RALGPS1: variants seen among roughly 807,000 people sequenced by gnomAD.
The protein encoded by RALGPS1 is Ral GEF with PH domain and SH3 binding motif 1, also known as ras-specific guanine nucleotide-releasing factor RalGPS1.
In RALGPS1, 19 loss-of-function variants were observed where a neutral mutation model predicts 78.8. That is an observed-to-expected ratio of 0.24 (90% CI 0.17 to 0.35). The LOEUF is 0.35. RALGPS1 is among the 10% of genes least tolerant of loss of function. The pLI is 1.00. For missense variants in RALGPS1, 454 were observed against 688.3 expected, an observed-to-expected ratio of 0.66 and a Z score of 3.81; for synonymous variants, 228 against 256.3, an observed-to-expected ratio of 0.89 and a Z score of 1.06.
chr9:127,092,946 C>T (rs984477436), intron 8 of RALGPS1, among the ~76,000 whole-genome samples: 1 of 152,166 alleles, frequency 6.6e-6, no homozygotes, highest in Admixed American at 6.5e-5. Context: ...GAGGCCTCAG[C>T]TGCAGTCACT....
chr9:126,990,832 C>A (rs1275835670), intron 4 of RALGPS1, among the ~76,000 whole-genome samples: 1 of 152,250 alleles, frequency 6.6e-6, no homozygotes, highest in African/African-American at 2.4e-5. Context: ...TGCCACTACT[C>A]TTCATCCCTG....
chr9:127,110,099 T>C (rs1376909954), intron 8 of RALGPS1, among the ~76,000 whole-genome samples: 1 of 152,132 alleles, frequency 6.6e-6, no homozygotes, highest in Non-Finnish European at 1.5e-5. Context: ...CTGCTCCCCT[T>C]TTTAGCAAAG....
In RALGPS1 at chr9:127,115,667, G is replaced by A. The variant is rs572133954; in HGVS notation, c.610+46311G>A. Among the ~76,000 whole-genome samples the A allele has an allele frequency of 2.0e-5, 3 of 152,358 alleles. No homozygotes were observed. In the South Asian group the frequency reaches 6.2e-4, roughly 32 times the overall value. On this transcript the variant is annotated intron_variant, in intron 8 of 18. Coordinates refer to ENST00000259351, the MANE Select transcript of RALGPS1 (RefSeq NM_014636.3). ...CAACCAGTATGAATAAAAGGTGCTT[G>A]TTTGTTTAATGGCTGAGATGCAGCT...
intron 11 of RALGPS1, among the ~76,000 whole-genome samples, chr9:127,182,372 C>CCCTTCCTT (rs1564737980): frequency 1.8e-4 from 6 of 32,602 alleles, no homozygotes; most frequent in African/African-American, 6.5e-4. Flanking sequence ...CTTCCTTCCT[C>CCCTTCCTT]CCTCCCTCCC....
At chr9:127,130,787 G>A (rs1340547114) in intron 8 of RALGPS1, among the ~76,000 whole-genome samples, 1 of 152,146 alleles carries the variant, frequency 6.6e-6, no homozygotes, top group Non-Finnish European at 1.5e-5. Flanking sequence ...CTTGTCCAGG[G>A]TCACACAATG....
At chr9:127,042,527 T>C (rs2047407891) in intron 5 of RALGPS1, among the ~76,000 whole-genome samples, 1 of 152,158 alleles carries the variant, frequency 6.6e-6, no homozygotes, top group Admixed American at 6.5e-5. Flanking sequence ...TTCAACTTGA[T>C]AAAGAACATC....
At chr9:127,201,949 G>C (rs2061655371) in intron 14 of RALGPS1, among the ~76,000 whole-genome samples, 1 of 152,232 alleles carries the variant, frequency 6.6e-6, no homozygotes, top group Non-Finnish European at 1.5e-5. Flanking sequence ...AGAGCCAAGG[G>C]TGCAGGGGAG....
chr9:127,208,300 C>T (rs2062042310), intron 14 of RALGPS1, among the ~76,000 whole-genome samples: 1 of 152,134 alleles, frequency 6.6e-6, no homozygotes, highest in South Asian at 2.1e-4. Context: ...AGGTGGGGAC[C>T]CACAAGTAGA....
intron 11 of RALGPS1, among the ~76,000 whole-genome samples, chr9:127,191,228 A>G (rs1396146435): frequency 1.3e-5 from 2 of 152,146 alleles, no homozygotes; most frequent in African/African-American, 4.8e-5. Context: ...TTGTTTTGGT[A>G]CAGACATTTA....
intron 13 of RALGPS1, 28 bp from the exon 14 acceptor site, chr9:127,198,987 T>G (rs1399971671): frequency 6.2e-7 from 1 of 1,608,884 alleles, no homozygotes; most frequent in Non-Finnish European, 8.5e-7. Flanking sequence ...GAAGCCGTTG[T>G]GCTCATTGAC....
chr9:127,174,815 A>G (rs779783720), intron 11 of RALGPS1, 33 bp downstream of exon 11: 11 of 1,596,764 alleles, frequency 6.9e-6, no homozygotes, highest in Admixed American at 1.7e-5. Flanking sequence ...GAGCAAACCC[A>G]CTTAATAGCC....
intron 4 of RALGPS1, among the ~76,000 whole-genome samples, chr9:127,010,477 G>A (rs953082267): frequency 2.0e-5 from 3 of 152,188 alleles, no homozygotes; most frequent in African/African-American, 2.4e-5. Context: ...GCAAGGTACC[G>A]TTCCTAGAGA....
At chr9:127,064,305 T>G (rs1186478078) in intron 7 of RALGPS1, among the ~76,000 whole-genome samples, 1 of 152,232 alleles carries the variant, frequency 6.6e-6, no homozygotes. Flanking sequence ...CTCCAAAATC[T>G]AAGGGACCCT....
chr9:127,171,689 G>A (rs919423598), intron 10 of RALGPS1, among the ~76,000 whole-genome samples: 1 of 152,162 alleles, frequency 6.6e-6, no homozygotes, highest in Non-Finnish European at 1.5e-5. Flanking sequence ...AACCTGGGAG[G>A]CAGAGGTTGC....
intron 1 of RALGPS1, among the ~76,000 whole-genome samples, chr9:126,951,308 A>T (rs1221316097): frequency 4.8e-5 from 7 of 144,548 alleles, no homozygotes; most frequent in African/African-American, 1.2e-4. Flanking sequence ...ATCCTCCCTA[A>T]CTCATTTTAT....
At chr9:127,121,772 C>T (rs995749865) in intron 8 of RALGPS1, among the ~76,000 whole-genome samples, 6 of 152,208 alleles carry the variant, frequency 3.9e-5, no homozygotes, top group African/African-American at 1.4e-4. Context: ...TGCCTCTGCT[C>T]TCCTCGCCAG....
intron 5 of RALGPS1, among the ~76,000 whole-genome samples, chr9:127,045,762 T>C (rs28414548): frequency 0.056 from 7,687 of 136,268 alleles, 542 homozygotes; most frequent in African/African-American, 0.18. Flanking sequence ...CACACACACA[T>C]ACACACACAC....
intron 4 of RALGPS1, 94 bp downstream of exon 4, chr9:126,977,839 G>A (rs532566028): frequency 9.2e-6 from 8 of 865,126 alleles, no homozygotes; most frequent in Middle Eastern, 4.5e-4. Context: ...TTTCTCTCTT[G>A]CAGGCTCTAT....
chr9:126,930,290 G>C (rs1347646290), intron 1 of RALGPS1, among the ~76,000 whole-genome samples: 1 of 151,324 alleles, frequency 6.6e-6, no homozygotes, highest in Non-Finnish European at 1.5e-5. Flanking sequence ...TCAGTTCCTG[G>C]CTCTTTCTAA....
Sources: allele counts gnomAD v4.1 joint callset (sites outside exome capture counted in the v4.1 genomes callset), GRCh38; gene constraint gnomAD v4.1.1; transcripts MANE v1.5; gene names NCBI Gene and HGNC (gene_info 2026-07-23, HGNC 2026-07-21).